GPHN: variants seen among roughly 807,000 people sequenced by gnomAD.
GPHN encodes the protein gephyrin.
In GPHN, 17 loss-of-function variants were observed where a neutral mutation model predicts 95.5. The observed-to-expected ratio is 0.18, with a 90% confidence interval of 0.12 to 0.27. The LOEUF (loss-of-function observed/expected upper bound fraction) is 0.27. Among genes scored for constraint, GPHN ranks in the 10% least tolerant of loss-of-function variants. The pLI is 1.00. For synonymous variants in GPHN, 320 were observed against 322.5 expected, an observed-to-expected ratio of 0.99 and a Z score of 0.08; for missense variants, 660 against 978.1, an observed-to-expected ratio of 0.67 and a Z score of 4.34.
At chr14:66,675,771 T>A (rs1367750352) in intron 1 of GPHN, among the ~76,000 whole-genome samples, 1 of 152,210 alleles carries the variant, frequency 6.6e-6, no homozygotes, top group Non-Finnish European at 1.5e-5. Flanking sequence ...TAATCCATTT[T>A]GAGTTGATTT....
intron 2 of GPHN, among the ~76,000 whole-genome samples, chr14:66,765,658 G>A (rs2058937955): frequency 6.6e-6 from 1 of 152,012 alleles, no homozygotes; most frequent in African/African-American, 2.4e-5. Flanking sequence ...TACCTATTGG[G>A]TACTCTGCGT....
chr14:67,199,617 G>A, the GPHN span: 16 of 1,586,332 alleles, frequency 1.0e-5, no homozygotes, highest in African/African-American at 2.7e-5. Flanking sequence ...AAGGGTGAGC[G>A]CCATGGCTTA....
intron 18 of GPHN, among the ~76,000 whole-genome samples, chr14:67,146,340 C>T (rs529214565): frequency 6.6e-6 from 1 of 152,274 alleles, no homozygotes; most frequent in African/African-American, 2.4e-5. Flanking sequence ...ATACTCTTTT[C>T]AAAGAGTTTC....
intron 1 of GPHN, among the ~76,000 whole-genome samples, chr14:66,625,820 A>G (rs867679005): frequency 6.6e-6 from 1 of 152,172 alleles, no homozygotes; most frequent in African/African-American, 2.4e-5. Context: ...CTTTCTTCAC[A>G]TATCTTGTGA....
At chr14:67,195,714 TG>T in the GPHN span, among the ~76,000 whole-genome samples, 7 of 1,098 alleles carry the variant, frequency 6.4e-3, no homozygotes, top group Non-Finnish European at 0.012. Context: ...TCTTTTTGGT[TG>T]TGTGTGTGTG....
At chr14:67,693,481 T>C in the GPHN span, among the ~76,000 whole-genome samples, 3 of 151,238 alleles carry the variant, frequency 2.0e-5, no homozygotes, top group Non-Finnish European at 4.4e-5. Flanking sequence ...AAAGTTAAAA[T>C]TATGAAAGCT....
At chr14:67,718,843 T>C in the GPHN span, among the ~76,000 whole-genome samples, 16 of 151,218 alleles carry the variant, frequency 1.1e-4, no homozygotes, top group Non-Finnish European at 2.2e-4. Context: ...AATGTCTCGA[T>C]ACCAGTTTGA....
intron 13 of GPHN, among the ~76,000 whole-genome samples, chr14:67,106,583 C>T (rs543782693): frequency 6.6e-6 from 1 of 152,254 alleles, no homozygotes; most frequent in South Asian, 2.1e-4. Context: ...TTTATCAAGA[C>T]TGCTATTGAA....
the GPHN span, chr14:67,336,463 T>A: frequency 3.8e-6 from 1 of 265,284 alleles, no homozygotes; most frequent in Non-Finnish European, 7.5e-6. Context: ...ACAAGGCCAA[T>A]ACATTCCAGG....
At chr14:66,715,995 T>C (rs924376738) in intron 2 of GPHN, among the ~76,000 whole-genome samples, 5 of 152,104 alleles carry the variant, frequency 3.3e-5, no homozygotes, top group African/African-American at 1.2e-4. Flanking sequence ...TCTATATATA[T>C]ATAGATATAT....
At chr14:67,075,325 G>A (rs950147501) in intron 11 of GPHN, among the ~76,000 whole-genome samples, 2 of 152,096 alleles carry the variant, frequency 1.3e-5, no homozygotes, top group African/African-American at 4.8e-5. Flanking sequence ...CTCTTATTCA[G>A]ACAAAAAGAT....
At chr14:66,667,737 G>T (rs907631923) in intron 1 of GPHN, among the ~76,000 whole-genome samples, 1 of 152,034 alleles carries the variant, frequency 6.6e-6, no homozygotes, top group African/African-American at 2.4e-5. Flanking sequence ...AGGACATTAG[G>T]TACTGGCAAA....
chr14:66,884,925 G>A (rs2064115925), intron 5 of GPHN, among the ~76,000 whole-genome samples: 1 of 151,488 alleles, frequency 6.6e-6, no homozygotes, highest in East Asian at 1.9e-4. Flanking sequence ...GTAATCTTCA[G>A]TGACTCATCT....
chr14:67,065,979 A>T (rs556389763), intron 11 of GPHN, among the ~76,000 whole-genome samples: 21 of 151,380 alleles, frequency 1.4e-4, no homozygotes, highest in Admixed American at 2.6e-4. Flanking sequence ...TCCTGTCATT[A>T]TGATGTTACC....
intron 5 of GPHN, among the ~76,000 whole-genome samples, chr14:66,899,395 A>G (rs1451175221): frequency 6.6e-6 from 1 of 151,768 alleles, no homozygotes; most frequent in Non-Finnish European, 1.5e-5. Context: ...TTAGTTGTAC[A>G]TTTCTTATAA....
At chr14:67,391,271 ATG>A in the GPHN span, among the ~76,000 whole-genome samples, 4,013 of 143,146 alleles carry the variant, frequency 0.028, 90 homozygotes, top group African/African-American at 0.059. Context: ...AGCAGCTGAT[ATG>A]TGTGTGTGTG....
chr14:66,856,967 A>G (rs1417489638), intron 4 of GPHN, among the ~76,000 whole-genome samples: 1 of 152,150 alleles, frequency 6.6e-6, no homozygotes, highest in Non-Finnish European at 1.5e-5. Flanking sequence ...TAAACATGGT[A>G]AAATGTGTTT....
the GPHN span, among the ~76,000 whole-genome samples, chr14:67,448,295 T>C: frequency 0.38 from 56,835 of 151,386 alleles, 11,046 homozygotes; most frequent in African/African-American, 0.46. Flanking sequence ...TGTGCCACCA[T>C]GCCTGGCTAA....
chr14:66,630,350 C>T (rs2063743054), intron 1 of GPHN, among the ~76,000 whole-genome samples: 1 of 152,094 alleles, frequency 6.6e-6, no homozygotes, highest in East Asian at 1.9e-4. Context: ...TAAAAAGAAT[C>T]TGATCACATT....
Sources: allele counts gnomAD v4.1 joint callset (sites outside exome capture counted in the v4.1 genomes callset), GRCh38; gene constraint gnomAD v4.1.1; transcripts MANE v1.5; gene names NCBI Gene and HGNC (gene_info 2026-07-23, HGNC 2026-07-21).